Variants in COL5A2 observed in about 807,000 individuals in gnomAD.
COL5A2 encodes the protein collagen type V alpha 2 chain.
In COL5A2, 23 loss-of-function variants were observed where a neutral mutation model predicts 208.2. The ratio of observed to expected loss-of-function variants is 0.11; its 90% CI spans 0.08 to 0.16. The LOEUF (loss-of-function observed/expected upper bound fraction) is 0.16, where lower values mean the gene tolerates loss of function less well. Ranked by LOEUF, COL5A2 falls within the 10% of genes least tolerant of loss-of-function variation. The pLI is 1.00. For missense variants in COL5A2, 1,590 were observed against 1,956.4 expected, an observed-to-expected ratio of 0.81 and a Z score of 3.53; for synonymous variants, 625 against 628.5, an observed-to-expected ratio of 0.99 and a Z score of 0.08.
intron 15 of COL5A2, 50 bp downstream of exon 15, chr2:189,079,013 C>T: frequency 1.4e-6 from 2 of 1,418,974 alleles, no homozygotes; most frequent in Non-Finnish European, 2.0e-6. Context: ...ATCTAAAAGG[C>T]AAGGAAATAT....
intron 37 of COL5A2, 26 bp from the exon 38 acceptor site, chr2:189,053,503 G>C (rs1173857274): frequency 6.3e-7 from 1 of 1,586,226 alleles, no homozygotes; most frequent in East Asian, 2.2e-5. Flanking sequence ...GATTACTGTA[G>C]CTTTCACACA....
intron 11 of COL5A2, among the ~76,000 whole-genome samples, chr2:189,084,551 G>T (rs558231259): frequency 4.5e-4 from 69 of 152,030 alleles, no homozygotes; most frequent in Admixed American, 1.4e-3. Context: ...ATTAATACTT[G>T]GTTTAGTATC....
chr2:189,075,716 TAACATATG>T lies in COL5A2; in HGVS notation c.1060-287_1060-280del, dbSNP rs1344118686. Among the ~76,000 whole-genome samples, 3 of 152,306 alleles carry T rather than the reference TAACATATG, an allele frequency of 2.0e-5. No individual in the cohort carries two copies. The East Asian group carries it at 5.8e-4, about 29-fold the overall frequency. On this transcript the variant is annotated intron_variant, in intron 16 of 53. Coordinates refer to ENST00000374866, the MANE Select transcript of COL5A2 (RefSeq NM_000393.5). Reference sequence around the variant, plus strand: ...TCTTTTACTTTAATGTATCATCTTCTAACATATGAACTCAGAGACAATGAAAATTTGAA... The same window carrying T: ...TCTTTTACTTTAATGTATCATCTTCTAACTCAGAGACAATGAAAATTTGAA...
chr2:189,433,163 C>A, the COL5A2 span, among the ~76,000 whole-genome samples: 2 of 152,206 alleles, frequency 1.3e-5, no homozygotes, highest in Non-Finnish European at 2.9e-5. Context: ...ACCAGAATCT[C>A]TGGGACACAT....
intron 1 of COL5A2, among the ~76,000 whole-genome samples, chr2:189,218,132 T>C (rs2105875568): frequency 1.3e-5 from 2 of 152,348 alleles, no homozygotes; most frequent in South Asian, 4.1e-4. Context: ...AGGTGTTTGA[T>C]GAGACTTTCT....
chr2:189,211,492 G>C (rs920861903), intron 1 of COL5A2, among the ~76,000 whole-genome samples: 3 of 152,082 alleles, frequency 2.0e-5, no homozygotes, highest in Non-Finnish European at 4.4e-5. Flanking sequence ...TAGACCAAGA[G>C]TTAAAGTTTA....
the COL5A2 span, among the ~76,000 whole-genome samples, chr2:189,261,372 A>C: frequency 2.0e-5 from 3 of 151,046 alleles, no homozygotes; most frequent in African/African-American, 7.4e-5. Flanking sequence ...AAATAATGGA[A>C]AAGTAAATAC....
chr2:189,112,285 G>A lies in COL5A2; in HGVS notation c.98-1836C>T, dbSNP rs918826643. On this transcript the variant is annotated intron_variant, in intron 1 of 53. Coordinates refer to ENST00000374866, the MANE Select transcript of COL5A2 (RefSeq NM_000393.5). ...AGTTTAATTGCACAGCATGAACTTT[G>A]TACTTCATAAAAAGATGTTTTAATG... 7.2e-5 allele frequency among the ~76,000 whole-genome samples: 11 copies of A among 152,138 alleles called. No individual in the cohort carries two copies. In the East Asian group the frequency reaches 7.7e-4, roughly 11 times the overall value.
intron 1 of COL5A2, among the ~76,000 whole-genome samples, chr2:189,128,866 C>T (rs533733946): frequency 6.6e-5 from 10 of 151,910 alleles, no homozygotes; most frequent in East Asian, 5.8e-4. Context: ...GGGGCACTTG[C>T]GTCCTTAGGA....
the COL5A2 span, among the ~76,000 whole-genome samples, chr2:189,266,413 A>G: frequency 6.6e-6 from 1 of 151,862 alleles, no homozygotes; most frequent in African/African-American, 2.4e-5. Context: ...ATGACAGAGC[A>G]AGACTTCATC....
chr2:189,280,163 A>C, the COL5A2 span, among the ~76,000 whole-genome samples: 1 of 152,060 alleles, frequency 6.6e-6, no homozygotes, highest in South Asian at 2.1e-4. Context: ...CGTATAAGTC[A>C]CTCAGTTTAT....
intron 1 of COL5A2, among the ~76,000 whole-genome samples, chr2:189,118,702 G>T (rs1345667995): frequency 6.6e-6 from 1 of 152,048 alleles, no homozygotes; most frequent in Non-Finnish European, 1.5e-5. Flanking sequence ...TGGAGGCATG[G>T]GTGAAAGGAG....
the COL5A2 span, among the ~76,000 whole-genome samples, chr2:189,296,426 TGTAG>T: frequency 1.3e-5 from 2 of 152,212 alleles, no homozygotes; most frequent in South Asian, 4.1e-4. Flanking sequence ...CATCTATGTC[TGTAG>T]GTCTGTTTCT....
intron 1 of COL5A2, among the ~76,000 whole-genome samples, chr2:189,168,283 C>G (rs375025160): frequency 6.8e-6 from 1 of 146,216 alleles, no homozygotes; most frequent in African/African-American, 2.5e-5. Flanking sequence ...TCTCGCTTAA[C>G]ATGGAATGGT....
At chr2:189,035,913 A>G (rs1271161213) in intron 52 of COL5A2, among the ~76,000 whole-genome samples, 1 of 152,138 alleles carries the variant, frequency 6.6e-6, no homozygotes, top group Non-Finnish European at 1.5e-5. Flanking sequence ...AAGGCCAGAC[A>G]GTTGTCTGAA....
At chr2:189,144,228 A>G (rs964413367) in intron 1 of COL5A2, among the ~76,000 whole-genome samples, 6 of 152,004 alleles carry the variant, frequency 3.9e-5, no homozygotes, top group Non-Finnish European at 7.4e-5. Flanking sequence ...CTCAAAAGAC[A>G]GACAGATGAA....
chr2:189,279,863 T>C, the COL5A2 span, among the ~76,000 whole-genome samples: 1 of 152,130 alleles, frequency 6.6e-6, no homozygotes, highest in Non-Finnish European at 1.5e-5. Flanking sequence ...AAACTGAATA[T>C]CTGTGCCCCC....
At chr2:189,151,216 T>C (rs938779237) in intron 1 of COL5A2, among the ~76,000 whole-genome samples, 3 of 152,142 alleles carry the variant, frequency 2.0e-5, no homozygotes, top group African/African-American at 7.2e-5. Context: ...ACTCATGCCC[T>C]TCACCCCTTC....
At chr2:189,337,694 T>G in the COL5A2 span, among the ~76,000 whole-genome samples, 1 of 152,118 alleles carries the variant, frequency 6.6e-6, no homozygotes, top group Admixed American at 6.5e-5. Context: ...GCAACTCTTC[T>G]GCTCTAATAT....
Sources: gnomAD v4.1 joint callset for allele counts (sites outside exome capture counted in the v4.1 genomes callset) on GRCh38, gnomAD v4.1.1 for gene constraint, MANE v1.5 for transcripts, NCBI Gene and HGNC (gene_info 2026-07-23, HGNC 2026-07-21) for gene names.